The following FBXL7 variants were observed in gnomAD, a reference collection of about 807,000 sequenced individuals.
The protein encoded by FBXL7 is F-box and leucine rich repeat protein 7.
A neutral mutation model predicts 38.3 loss-of-function variants in FBXL7; 12 were observed. That is an observed-to-expected ratio of 0.31 (90% CI 0.20 to 0.51). The LOEUF (loss-of-function observed/expected upper bound fraction) is 0.51, where lower values mean the gene tolerates loss of function less well. FBXL7 is among the 20% of genes least tolerant of loss of function. The probability of loss-of-function intolerance (pLI) is 0.98; values close to 1 mark genes in which losing one functional copy is unlikely to be tolerated. For missense variants in FBXL7, 567 were observed against 676.4 expected (o/e 0.84, Z 1.79); for synonymous variants, 297 against 300.9 (o/e 0.99, Z 0.13).
intron 2 of FBXL7, among the ~76,000 whole-genome samples, chr5:15,776,458 C>G (rs925383290): frequency 6.6e-6 from 1 of 152,080 alleles, no homozygotes; most frequent in Admixed American, 6.6e-5. Flanking sequence ...AAAACATGAT[C>G]TGGGTTGGCA....
chr5:15,556,486 A>G (rs1051627257), intron 1 of FBXL7, among the ~76,000 whole-genome samples: 2 of 152,182 alleles, frequency 1.3e-5, no homozygotes, highest in African/African-American at 4.8e-5. Context: ...AGACATGCCC[A>G]GAAATAAAGT....
chr5:15,927,787 AGAAGAAGAAAG>A, intron 2 of FBXL7, 92 bp from the exon 3 acceptor site: 54 of 751,830 alleles, frequency 7.2e-5, no homozygotes, highest in Middle Eastern at 3.5e-4. Context: ...AAAAAAAAAA[AGAAGAAGAAAG>A]AAAAGAAAAG....
chr5:15,679,470 C>T (rs979358493), intron 2 of FBXL7, among the ~76,000 whole-genome samples: 3 of 151,834 alleles, frequency 2.0e-5, no homozygotes, highest in Non-Finnish European at 4.4e-5. Flanking sequence ...AAGTTACATA[C>T]CACACACCAT....
chr5:15,851,934 C>T (rs1230315443), intron 2 of FBXL7, among the ~76,000 whole-genome samples: 2 of 151,766 alleles, frequency 1.3e-5, no homozygotes, highest in East Asian at 3.9e-4. Flanking sequence ...AACCACTTTA[C>T]TTTTTAGTAG....
intron 2 of FBXL7, among the ~76,000 whole-genome samples, chr5:15,902,632 T>C (rs1292004063): frequency 6.6e-6 from 1 of 152,216 alleles, no homozygotes; most frequent in Non-Finnish European, 1.5e-5. Flanking sequence ...TAAAGCTTAC[T>C]CTTGATGACA....
intron 1 of FBXL7, among the ~76,000 whole-genome samples, chr5:15,603,108 G>C (rs1056679244): frequency 3.3e-5 from 5 of 152,306 alleles, no homozygotes; most frequent in African/African-American, 1.2e-4. Flanking sequence ...CCAAAGTGTT[G>C]AGATTACAGG....
intron 2 of FBXL7, among the ~76,000 whole-genome samples, chr5:15,849,875 A>G (rs1241629397): frequency 1.3e-5 from 2 of 152,228 alleles, no homozygotes; most frequent in African/African-American, 4.8e-5. Flanking sequence ...CTTGATAATT[A>G]TTAAGAACTC....
At chr5:15,563,488 CA>C (rs986447986) in intron 1 of FBXL7, among the ~76,000 whole-genome samples, 1 of 152,094 alleles carries the variant, frequency 6.6e-6, no homozygotes, top group Non-Finnish European at 1.5e-5. Flanking sequence ...GCGTCTTTCA[CA>C]GTAGAGGAAC....
rs1036904992 is a variant in FBXL7 at position 15,719,875 on chromosome 5, G to T, written c.127+103803G>T. 3.4e-5 allele frequency among the ~76,000 whole-genome samples: 5 copies of T among 148,724 alleles called. 1 individual carries two copies. Among genetic ancestry groups the T allele is most frequent in the African/African-American group, 1.2e-4 (5 of 40,760 alleles). On this transcript the variant is annotated intron_variant, in intron 2 of 3. Transcript: ENST00000504595. Reference sequence around the variant, plus strand: ...AAAGAGCGACCTTGGAAAGGAGAGAGAACAACCATGAAAGACATTTGGAAG... The same window carrying T: ...AAAGAGCGACCTTGGAAAGGAGAGATAACAACCATGAAAGACATTTGGAAG...
intron 2 of FBXL7, among the ~76,000 whole-genome samples, chr5:15,692,584 GAT>G (rs1743217281): frequency 6.6e-6 from 1 of 152,096 alleles, no homozygotes; most frequent in African/African-American, 2.4e-5. Context: ...CCTTTATTCT[GAT>G]GATAGAGTTT....
intron 1 of FBXL7, among the ~76,000 whole-genome samples, chr5:15,549,364 G>T (rs1235073171): frequency 6.6e-6 from 1 of 152,110 alleles, no homozygotes; most frequent in African/African-American, 2.4e-5. Flanking sequence ...ATGAGTTGTA[G>T]CACTAGCATC....
chr5:15,642,851 C>T (rs1741411674), intron 2 of FBXL7, among the ~76,000 whole-genome samples: 1 of 152,200 alleles, frequency 6.6e-6, no homozygotes, highest in Non-Finnish European at 1.5e-5. Context: ...CCTACCTGTT[C>T]AATTCATTTC....
intron 2 of FBXL7, among the ~76,000 whole-genome samples, chr5:15,708,964 A>T (rs1743773073): frequency 6.6e-6 from 1 of 152,144 alleles, no homozygotes; most frequent in African/African-American, 2.4e-5. Context: ...ATGTTTTTTC[A>T]TGTAATTGGT....
chr5:15,906,737 A>G (rs1348355899), intron 2 of FBXL7, among the ~76,000 whole-genome samples: 2 of 87,092 alleles, frequency 2.3e-5, no homozygotes, highest in Non-Finnish European at 4.4e-5. Flanking sequence ...TCATTGTTCA[A>G]TTCCCACCTA....
At chr5:15,756,583 G>A (rs1222969694) in intron 2 of FBXL7, among the ~76,000 whole-genome samples, 1 of 152,288 alleles carries the variant, frequency 6.6e-6, no homozygotes, top group African/African-American at 2.4e-5. Context: ...CCTGTTGGAT[G>A]CAAGTAGTTT....
intron 2 of FBXL7, among the ~76,000 whole-genome samples, chr5:15,799,534 G>T (rs1048129507): frequency 6.6e-6 from 1 of 151,844 alleles, no homozygotes; most frequent in Non-Finnish European, 1.5e-5. Flanking sequence ...GGCTAATTTT[G>T]TATTTTTAGT....
At chr5:15,531,886 G>A (rs1477830015) in intron 1 of FBXL7, among the ~76,000 whole-genome samples, 1 of 152,174 alleles carries the variant, frequency 6.6e-6, no homozygotes, top group Non-Finnish European at 1.5e-5. Context: ...TTCCTCTGCA[G>A]TGTGGGTTTA....
rs578050941 is a variant in FBXL7, at chr5:15,591,353, C to T, written c.38-24630C>T. Among the ~76,000 whole-genome samples the T allele has an allele frequency of 1.7e-4, 25 of 149,518 alleles. No homozygotes were observed. The East Asian group carries it at 2.1e-3, about 12-fold the overall frequency. The stretch of plus-strand genomic sequence containing the variant: ...CTGAGGCAGGAGAATGGTGTGAATC[C>T]GGGAGGTGGAGCTTGCAGTGAGCTG... On this transcript the variant is annotated intron_variant, in intron 1 of 3. Coordinates refer to ENST00000504595, the MANE Select transcript of FBXL7 (RefSeq NM_012304.5).
rs370075086 is a variant in FBXL7 at position 15,935,286 on chromosome 5, A to G, written c.740-1164A>G. The G allele has an allele frequency of 1.0e-3, 541 of 530,532 alleles. 1 individual carries two copies. In the Middle Eastern group the frequency reaches 0.013, roughly 12 times the overall value. 32.9% of individuals were successfully genotyped at this position (530,532 alleles called of 1,614,324 possible). On this transcript the variant is annotated intron_variant, in intron 3 of 3. Transcript: ENST00000504595. ...GGGCAAGCTTCGAGTTCCGTTTTCC[A>G]AGACACCTCGGGCAGATAGGGGTGT...
Sources: gnomAD v4.1 joint callset for allele counts (sites outside exome capture counted in the v4.1 genomes callset) on GRCh38, gnomAD v4.1.1 for gene constraint, MANE v1.5 for transcripts, NCBI Gene and HGNC (gene_info 2026-07-23, HGNC 2026-07-21) for gene names.